KCNIP4: variants seen among roughly 807,000 people sequenced by gnomAD.
The protein encoded by KCNIP4 is potassium voltage-gated channel interacting protein 4, also known as Kv channel-interacting protein 4.
Under a neutral mutation model 34.0 loss-of-function variants are expected in KCNIP4, and 12 were observed. That is an observed-to-expected ratio of 0.35 (90% CI 0.23 to 0.57). KCNIP4 has a LOEUF of 0.57. Among genes scored for constraint, KCNIP4 ranks in the 20% least tolerant of loss-of-function variants. The pLI, the probability that KCNIP4 is intolerant of heterozygous loss-of-function variation, is 0.83. For missense variants in KCNIP4, 238 were observed against 311.7 expected (o/e 0.76, Z 1.78); for synonymous variants, 124 against 102.2 (o/e 1.21, Z -1.29).
chr4:21,516,163 T>C (rs1219138005), intron 1 of KCNIP4, among the ~76,000 whole-genome samples: 1 of 152,146 alleles, frequency 6.6e-6, no homozygotes, highest in Non-Finnish European at 1.5e-5. Context: ...AGCAAGGGTG[T>C]AGGTAAGGGA....
At chr4:20,880,966 T>C (rs1221822802) in intron 2 of KCNIP4, among the ~76,000 whole-genome samples, 1 of 152,190 alleles carries the variant, frequency 6.6e-6, no homozygotes, top group Non-Finnish European at 1.5e-5. Flanking sequence ...TGTATGTGCA[T>C]TGGCTTAGTG....
At chr4:20,844,482 A>T (rs1720125980) in intron 3 of KCNIP4, among the ~76,000 whole-genome samples, 2 of 152,218 alleles carry the variant, frequency 1.3e-5, no homozygotes. Context: ...ATTTGCTGAC[A>T]GAGAGACAGA....
At chr4:20,943,144 ATTAT>A (rs1442041118) in intron 1 of KCNIP4, among the ~76,000 whole-genome samples, 2 of 152,176 alleles carry the variant, frequency 1.3e-5, no homozygotes, top group African/African-American at 4.8e-5. Flanking sequence ...TCAACCTATA[ATTAT>A]TTATGTTGAC....
chr4:21,125,477 A>T (rs1008755666), intron 1 of KCNIP4, among the ~76,000 whole-genome samples: 3 of 152,024 alleles, frequency 2.0e-5, no homozygotes, highest in Non-Finnish European at 4.4e-5. Flanking sequence ...GGCCTTCCAA[A>T]GTGTTGGGAT....
At chr4:20,994,945 C>A (rs1343706338) in intron 1 of KCNIP4, among the ~76,000 whole-genome samples, 1 of 152,180 alleles carries the variant, frequency 6.6e-6, no homozygotes, top group African/African-American at 2.4e-5. Flanking sequence ...CCATAAGACA[C>A]TTTCTCCTAA....
At chr4:20,732,618 TGGCA>T in intron 7 of KCNIP4, 59 bp downstream of exon 7, 1 of 1,006,654 alleles carries the variant, frequency 9.9e-7, no homozygotes, top group South Asian at 1.3e-5. Flanking sequence ...TCGTGGTGCA[TGGCA>T]AACATCAGGA....
At chr4:21,795,398 C>A (rs886070549) in intron 1 of KCNIP4, among the ~76,000 whole-genome samples, 2 of 152,182 alleles carry the variant, frequency 1.3e-5, no homozygotes, top group Non-Finnish European at 2.9e-5. Flanking sequence ...TTTGTTATGG[C>A]AGCCCCAGCA....
At chr4:20,767,599 G>T (rs1365357050) in intron 3 of KCNIP4, among the ~76,000 whole-genome samples, 1 of 152,134 alleles carries the variant, frequency 6.6e-6, no homozygotes, top group East Asian at 1.9e-4. Flanking sequence ...CTGTTGAAAT[G>T]CATGAGAAAT....
intron 1 of KCNIP4, among the ~76,000 whole-genome samples, chr4:21,821,325 C>A (rs1026115880): frequency 1.3e-5 from 2 of 152,040 alleles, no homozygotes; most frequent in Admixed American, 1.3e-4. Context: ...CCTGTAGGTG[C>A]CATTGAGGCC....
intron 1 of KCNIP4, among the ~76,000 whole-genome samples, chr4:21,508,173 T>A (rs11737456): frequency 0.2 from 30,751 of 152,188 alleles, 3,357 homozygotes; most frequent in Non-Finnish European, 0.25. Flanking sequence ...TATTTTCACT[T>A]AAGGATGCAA....
In KCNIP4 at chr4:20,791,678, CTTAAGTTTATATG is replaced by C. The variant is rs1343416771; in HGVS notation, c.289-32801_289-32789del. The stretch of plus-strand genomic sequence containing the variant: ...ATCAAACTTTATAATTAATGTGATG[CTTAAGTTTATATG>C]TTAAGTTTATATGTTAACTTGGCTG... On this transcript the variant is annotated intron_variant, in intron 3 of 8. Coordinates refer to ENST00000382152, the MANE Select transcript of KCNIP4 (RefSeq NM_025221.6). Among the ~76,000 whole-genome samples the C allele has an allele frequency of 3.9e-5, 6 of 152,072 alleles. 1 individual carries two copies. The highest frequency in any genetic ancestry group is 4.1e-4 in the South Asian group (2 of 4,822).
chr4:20,729,625 G>GA lies in KCNIP4; in HGVS notation c.*456_*457insT. 1 of 133,380 alleles carries GA rather than the reference G, an allele frequency of 7.5e-6. No individual in the cohort carries two copies. Among genetic ancestry groups the GA allele is most frequent in the African/African-American group, 3.0e-5 (1 of 33,674 alleles). The allele number at this position is 133,380 out of a possible 1,614,324, so 8.3% of individuals were successfully genotyped here. A position where few individuals can be genotyped will look rare whatever the true frequency, so the allele number is the denominator to read the frequency against. ...TAAAGTATATAAATGGAATTTAAAT[G>GA]GAATTACAGCATTCAAACATGAAAA... On this transcript the variant is annotated 3_prime_UTR_variant, in exon 9 of 9. Coordinates refer to ENST00000382152, the MANE Select transcript of KCNIP4 (RefSeq NM_025221.6).
chr4:21,667,178 G>A (rs533250444), intron 1 of KCNIP4, among the ~76,000 whole-genome samples: 234 of 152,194 alleles, frequency 1.5e-3, no homozygotes, highest in African/African-American at 5.5e-3. Context: ...ACATGAAAGG[G>A]GAAAACTGCA....
At chr4:21,860,287 C>A (rs549120727) in intron 1 of KCNIP4, among the ~76,000 whole-genome samples, 1 of 152,056 alleles carries the variant, frequency 6.6e-6, no homozygotes, top group African/African-American at 2.4e-5. Context: ...GCATGTGCCA[C>A]CACACCCGGC....
At chr4:20,975,716 C>T (rs1735421965) in intron 1 of KCNIP4, among the ~76,000 whole-genome samples, 1 of 152,208 alleles carries the variant, frequency 6.6e-6, no homozygotes, top group East Asian at 1.9e-4. Context: ...AGACCCCCTT[C>T]TCAATGGTTC....
chr4:21,634,006 C>T (rs531974839), intron 1 of KCNIP4, among the ~76,000 whole-genome samples: 8 of 151,906 alleles, frequency 5.3e-5, no homozygotes, highest in Non-Finnish European at 1.2e-4. Context: ...GTTTACTGTA[C>T]ATTTATTAGC....
At chr4:20,803,474 A>T (rs1301234134) in intron 3 of KCNIP4, among the ~76,000 whole-genome samples, 1 of 19,788 alleles carries the variant, frequency 5.1e-5, no homozygotes, top group African/African-American at 1.7e-4. Context: ...CTTTACCAAA[A>T]AAAAAAAAAA....
chr4:21,445,182 G>A (rs567277343), intron 1 of KCNIP4, among the ~76,000 whole-genome samples: 1 of 152,258 alleles, frequency 6.6e-6, no homozygotes, highest in African/African-American at 2.4e-5. Flanking sequence ...TCAATATCTT[G>A]AAAATGGCCA....
chr4:21,706,243 G>T (rs570159225), intron 1 of KCNIP4, among the ~76,000 whole-genome samples: 8 of 152,204 alleles, frequency 5.3e-5, no homozygotes, highest in African/African-American at 1.9e-4. Context: ...CATTTACAAA[G>T]AAATATAAGT....
Sources: allele counts gnomAD v4.1 joint callset (sites outside exome capture counted in the v4.1 genomes callset), GRCh38; gene constraint gnomAD v4.1.1; transcripts MANE v1.5; gene names NCBI Gene and HGNC (gene_info 2026-07-23, HGNC 2026-07-21).